ADIPOR1: variants seen among roughly 807,000 people sequenced by gnomAD.
ADIPOR1 encodes the protein adiponectin receptor protein 1.
A neutral mutation model predicts 37.5 loss-of-function variants in ADIPOR1; 15 were observed. That is an observed-to-expected ratio of 0.40 (90% CI 0.27 to 0.62). The LOEUF is 0.62. Among genes scored for constraint, ADIPOR1 ranks in the 20% least tolerant of loss-of-function variants. The pLI is 0.42. For missense variants in ADIPOR1, 286 were observed against 478.0 expected (o/e 0.60, Z 3.75); for synonymous variants, 173 against 173.2 (o/e 1.00, Z 0.01).
intron 1 of ADIPOR1, among the ~76,000 whole-genome samples, chr1:202,956,986 C>A (rs1654811204): frequency 6.6e-6 from 1 of 152,194 alleles, no homozygotes; most frequent in African/African-American, 2.4e-5. Flanking sequence ...ATAACATGGG[C>A]CTTCACAGGT....
At chr1:202,949,106 C>G (rs1056675010) in intron 2 of ADIPOR1, among the ~76,000 whole-genome samples, 2 of 151,410 alleles carry the variant, frequency 1.3e-5, no homozygotes, top group Non-Finnish European at 2.9e-5. Flanking sequence ...TTCAAAACAA[C>G]GAAAAAGACA....
chr1:202,950,197 A>G (rs1439161683), intron 2 of ADIPOR1, among the ~76,000 whole-genome samples: 1 of 150,216 alleles, frequency 6.7e-6, no homozygotes, highest in Non-Finnish European at 1.5e-5. Context: ...TCCTGATCTC[A>G]GGTGATCCAC....
rs935868781 is a variant in ADIPOR1, at chr1:202,944,919, G to A, written c.617+64C>T. ...GATATGAGCTCCTATCACCCAGTAA[G>A]CACTGGGATCTCAAGATGTGACAAC... On this transcript the variant is annotated intron_variant, in intron 5 of 7. Transcript: ENST00000340990. 9 of 1,450,126 alleles carry A rather than the reference G, an allele frequency of 6.2e-6. No individual in the cohort carries two copies. In the East Asian group the frequency reaches 1.8e-4, roughly 29 times the overall value. The allele number at this position is 1,450,126 out of a possible 1,614,324, so 89.8% of individuals were successfully genotyped here.
At chr1:202,943,325 C>G (rs1477082540) in intron 6 of ADIPOR1, among the ~76,000 whole-genome samples, 1 of 152,218 alleles carries the variant, frequency 6.6e-6, no homozygotes, top group African/African-American at 2.4e-5. Flanking sequence ...ATGCTTGTAG[C>G]TATTACTTTG....
intron 7 of ADIPOR1, 54 bp from the exon 8 acceptor site, chr1:202,941,755 AC>A: frequency 6.4e-7 from 1 of 1,568,152 alleles, no homozygotes. Flanking sequence ...GGAATAAGAA[AC>A]AAGTAGGAGA....
intron 2 of ADIPOR1, among the ~76,000 whole-genome samples, chr1:202,950,106 G>A (rs1334892286): frequency 6.6e-6 from 1 of 152,014 alleles, no homozygotes; most frequent in Non-Finnish European, 1.5e-5. Flanking sequence ...GGGATTACAG[G>A]CGACTGCCAC....
intron 1 of ADIPOR1, among the ~76,000 whole-genome samples, chr1:202,955,291 A>G (rs1185344012): frequency 6.6e-6 from 1 of 150,732 alleles, no homozygotes; most frequent in Non-Finnish European, 1.5e-5. Context: ...GTGTGATCTC[A>G]GCTCACTGTA....
chr1:202,954,878 G>A (rs1360673569), intron 1 of ADIPOR1, among the ~76,000 whole-genome samples: 1 of 152,124 alleles, frequency 6.6e-6, no homozygotes, highest in Non-Finnish European at 1.5e-5. Flanking sequence ...CCAGGCTACG[G>A]CACACCTTTC....
intron 3 of ADIPOR1, among the ~76,000 whole-genome samples, chr1:202,947,296 C>T (rs1162144164): frequency 2.6e-5 from 4 of 151,598 alleles, no homozygotes; most frequent in Non-Finnish European, 5.9e-5. Flanking sequence ...CTGAGGCGGG[C>T]GGATCACCTG....
intron 5 of ADIPOR1, 54 bp from the exon 6 acceptor site, chr1:202,943,999 G>A: frequency 6.7e-7 from 1 of 1,492,242 alleles, no homozygotes; most frequent in East Asian, 2.3e-5. Context: ...AATTTGTATG[G>A]CTCATTTAAC....
intron 2 of ADIPOR1, among the ~76,000 whole-genome samples, chr1:202,949,896 A>C (rs780333647): frequency 2.6e-5 from 4 of 152,290 alleles, no homozygotes; most frequent in Non-Finnish European, 5.9e-5. Context: ...CCTCCACTGC[A>C]GCTGAATATA....
At chr1:202,949,434 G>T (rs1383659049) in intron 2 of ADIPOR1, among the ~76,000 whole-genome samples, 2 of 151,850 alleles carry the variant, frequency 1.3e-5, no homozygotes, top group African/African-American at 2.4e-5. Context: ...CAAAAAATTA[G>T]CCGGGCGAGG....
chr1:202,942,060 G>A lies in ADIPOR1; in HGVS notation c.964C>T (p.Pro322Ser). ...AATTTTCCAGGAAAGAAGCGCTCAG[G>A]AATTCGAGCAGCATAAAGGCCAGCT... Reference protein sequence around the residue: ...TGAGLYAARIPERFFPGKFDI... With the variant: ...TGAGLYAARISERFFPGKFDI... Residue 322 changes from proline (P) to serine (S), a missense_variant, in exon 7 of 8, where the codon CCT (proline) becomes TCT (serine). Coordinates refer to ENST00000340990, the MANE Select transcript of ADIPOR1 (RefSeq NM_015999.6). 1 of 1,612,894 alleles carries A rather than the reference G, an allele frequency of 6.2e-7. No individual in the cohort carries two copies. The highest frequency in any genetic ancestry group is 8.5e-7 in the Non-Finnish European group (1 of 1,179,610).
intron 1 of ADIPOR1, among the ~76,000 whole-genome samples, chr1:202,954,936 TAG>T (rs980080437): frequency 7.2e-5 from 11 of 152,142 alleles, no homozygotes; most frequent in Admixed American, 3.3e-4. Flanking sequence ...CCTGGGCCTT[TAG>T]AGAGTCTATG....
chr1:202,945,904 A>C (rs537646392), intron 4 of ADIPOR1, among the ~76,000 whole-genome samples: 1 of 152,200 alleles, frequency 6.6e-6, no homozygotes, highest in African/African-American at 2.4e-5. Flanking sequence ...AAAACTACAT[A>C]TTGAGTACAA....
intron 5 of ADIPOR1, 139 bp from the exon 6 acceptor site, chr1:202,944,084 C>A (rs1654207880): frequency 1.4e-6 from 1 of 738,334 alleles, no homozygotes; most frequent in Non-Finnish European, 2.2e-6. Context: ...GACTCCCATA[C>A]AATCTATCCT....
Position 202,943,959 on chromosome 1 carries a change from C to CA in ADIPOR1, c.618-15dup. The stretch of plus-strand genomic sequence containing the variant: ...GAATAGTCCAGTCTAAAAAGAACCA[C>CA]AAAAATGAAACAAATCAGTGGGGGA... On this transcript the variant is annotated splice_polypyrimidine_tract_variant and intron_variant, in intron 5 of 7. Coordinates refer to ENST00000340990, the MANE Select transcript of ADIPOR1 (RefSeq NM_015999.6). 1 of 1,600,522 alleles carries CA rather than the reference C, an allele frequency of 6.2e-7. No homozygotes were observed. Among genetic ancestry groups the CA allele is most frequent in the South Asian group, 1.1e-5 (1 of 90,170 alleles).
intron 5 of ADIPOR1, 100 bp downstream of exon 5, chr1:202,944,883 C>A: frequency 8.3e-7 from 1 of 1,199,624 alleles, no homozygotes; most frequent in South Asian, 1.7e-5. Flanking sequence ...TATCAAGAAA[C>A]CTTTAGGAGT....
rs377378130 is a variant in ADIPOR1, at chr1:202,946,581, T to C, written c.288A>G (p.Pro96=). ...TTAGCCAGTCAGGGAGCACATCATA[T>C]GGGATGACCCTCCAACGTCCCTCCC... is the stretch of plus-strand genomic sequence containing the variant. ...KVWEGRWRVI[P]YDVLPDWLKD... is the part of the protein sequence containing the mutation. Residue 96 remains proline, a synonymous_variant, in exon 4 of 8, where the codon CCA becomes CCG. Transcript: ENST00000340990. 1.9e-6 allele frequency: 3 copies of C among 1,614,060 alleles called. No homozygotes were observed. Among genetic ancestry groups the C allele is most frequent in the Non-Finnish European group, 2.5e-6 (3 of 1,180,024 alleles).
Sources: allele counts gnomAD v4.1 joint callset (sites outside exome capture counted in the v4.1 genomes callset), GRCh38; gene constraint gnomAD v4.1.1; transcripts MANE v1.5; gene names NCBI Gene and HGNC (gene_info 2026-07-23, HGNC 2026-07-21).